TRAP1: variants seen among roughly 807,000 people sequenced by gnomAD.
The protein encoded by TRAP1 is heat shock protein 75 kDa, mitochondrial.
In TRAP1, 102 loss-of-function variants were observed where a neutral mutation model predicts 89.1. That is an observed-to-expected ratio of 1.15 (90% CI 0.98 to 1.35). The LOEUF (loss-of-function observed/expected upper bound fraction) is 1.35. TRAP1 is among the 40% of genes most tolerant of loss of function. The pLI, the probability that TRAP1 is intolerant of heterozygous loss-of-function variation, is 0.00. For missense variants in TRAP1, 1,256 were observed against 945.3 expected, an observed-to-expected ratio of 1.33 and a Z score of -4.31; for synonymous variants, 508 against 388.0, an observed-to-expected ratio of 1.31 and a Z score of -3.64.
At chr16:3,675,753 G>T (rs2050982354) in intron 7 of TRAP1, among the ~76,000 whole-genome samples, 1 of 152,198 alleles carries the variant, frequency 6.6e-6, no homozygotes, top group Non-Finnish European at 1.5e-5. Context: ...CCTGGGACAG[G>T]ACTGCGCCAA....
At position 3,662,935 on chromosome 16, in the gene TRAP1, C is replaced by CCTCCGT; in HGVS notation, c.1735_1740dup (p.Thr579_Glu580dup). The CCTCCGT allele has an allele frequency of 6.2e-7, 1 of 1,612,708 alleles. No homozygotes were observed. Among genetic ancestry groups the CCTCCGT allele is most frequent in the Non-Finnish European group, 8.5e-7 (1 of 1,179,994 alleles). On this transcript the variant is annotated inframe_insertion, in exon 15 of 18. Transcript: ENST00000246957. ...ACATTTCTCATCCAGGCCATGAGCTCCTCCGTCTCCTTCTCTGATAGGCAC... is the reference window on the plus strand; with the variant it reads ...ACATTTCTCATCCAGGCCATGAGCTCCTCCGTCTCCGTCTCCTTCTCTGATAGGCAC...
At chr16:3,692,595 CTTTTTTT>C (rs202237111) in intron 1 of TRAP1, among the ~76,000 whole-genome samples, 3 of 105,196 alleles carry the variant, frequency 2.9e-5, no homozygotes, top group African/African-American at 1.2e-4. Context: ...AAAAACTTGC[CTTTTTTT>C]TTTTTTTTTT....
At position 3,686,071 on chromosome 16, in the gene TRAP1, C is replaced by T; in HGVS notation, c.396G>A (p.Val132=). The part of the protein sequence containing the change: ...DALEKLRHKL[V]SDGQALPEME... Reference sequence around the variant, plus strand: ...TTTCTGGCAGTGCTTGGCCGTCAGACACCAGTTTGTGACGCAGTTTTTCCA... The same window carrying T: ...TTTCTGGCAGTGCTTGGCCGTCAGATACCAGTTTGTGACGCAGTTTTTCCA... The change falls in exon 4 of 18, where the codon GTG becomes GTA. Residue 132 remains valine (V), a synonymous_variant. Transcript: ENST00000246957. 6.2e-7 allele frequency: 1 copy of T among 1,614,146 alleles called. No individual in the cohort carries two copies. The highest frequency in any genetic ancestry group is 8.5e-7 in the Non-Finnish European group (1 of 1,180,016).
At chr16:3,665,800 G>C (rs1316435535) in intron 12 of TRAP1, among the ~76,000 whole-genome samples, 171 bp downstream of exon 12, 1 of 152,202 alleles carries the variant, frequency 6.6e-6, no homozygotes, top group Non-Finnish European at 1.5e-5. Context: ...CCTGGAAGGT[G>C]CCAGAGGCCC....
chr16:3,673,432 C>T (rs1490721417), intron 9 of TRAP1, among the ~76,000 whole-genome samples: 1 of 152,222 alleles, frequency 6.6e-6, no homozygotes, highest in African/African-American at 2.4e-5. Flanking sequence ...CCAACACCTG[C>T]TCCACACTGG....
rs1182378432 is a variant in TRAP1 at position 3,671,736 on chromosome 16, C to G, written c.1221G>C (p.Glu407Asp). 6.2e-7 allele frequency: 1 copy of G among 1,612,972 alleles called. No homozygotes were observed. The highest frequency in any genetic ancestry group is 1.3e-5 in the African/African-American group (1 of 74,948). Residue 407 changes from glutamate to aspartate, a missense_variant, in exon 11 of 18, where the codon GAG becomes GAC. By Grantham distance (45) the Glu-to-Asp change is conservative. Transcript: ENST00000246957. ...CCGAGGCTCACCTGATGAGTGCGCT[C>G]TCCTGCAGCAGCTCCCGGCTGAGGT... ...PLNLSRELLQ[E>D]SALIRKLRDV... is the part of the protein sequence containing the mutation.
rs571110486 is a variant in TRAP1 at position 3,695,552 on chromosome 16, GAAAAGA to G, written c.89-4573_89-4568del. Among the ~76,000 whole-genome samples the G allele has an allele frequency of 3.4e-3, 471 of 140,268 alleles. 3 individuals carry two copies. Among genetic ancestry groups the G allele is most frequent in the East Asian group, 0.025 (123 of 4,912 alleles). The allele number at this position is 140,268 out of a possible 152,430, so 92.0% of individuals were successfully genotyped here. On this transcript the variant is annotated intron_variant, in intron 1 of 17. Coordinates refer to ENST00000246957, the MANE Select transcript of TRAP1 (RefSeq NM_016292.3). ...CTCTGTCTCGAAAAAAAAAAAAAAA[GAAAAGA>G]AAAAGAAAAAGAAAAAGAAACCGTG...
At chr16:3,662,662 G>T (rs2043153391) in intron 15 of TRAP1, 4 of 688,496 alleles carry the variant, frequency 5.8e-6, no homozygotes, top group Non-Finnish European at 1.1e-5. Context: ...GTTCACACCT[G>T]CTCTGGAGCA....
chr16:3,706,758 G>C (rs919648117), intron 1 of TRAP1, among the ~76,000 whole-genome samples: 1 of 152,106 alleles, frequency 6.6e-6, no homozygotes, highest in Non-Finnish European at 1.5e-5. Context: ...ACCGCACCCA[G>C]CCTCGTTTCC....
intron 9 of TRAP1, among the ~76,000 whole-genome samples, chr16:3,673,428 C>T (rs2050942531): frequency 6.6e-6 from 1 of 152,220 alleles, no homozygotes; most frequent in Admixed American, 6.5e-5. Context: ...CCTGCCAACA[C>T]CTGCTCCACA....
Position 3,677,537 on chromosome 16 carries a change from G to C in TRAP1, c.665C>G (p.Ala222Gly). The C allele has an allele frequency of 6.2e-7, 1 of 1,614,188 alleles. No homozygotes were observed. The highest frequency in any genetic ancestry group is 8.5e-7 in the Non-Finnish European group (1 of 1,180,044). Residue 222 changes from alanine to glycine, a missense_variant, in exon 6 of 18, where the codon GCA becomes GGA. Coordinates refer to ENST00000246957, the MANE Select transcript of TRAP1 (RefSeq NM_016292.3). ...CTGGTAACCCAGGCTCCCCGGGGCT[G>C]CCGAGCGGGAATAGACCTCCACTCT... ...ADRVEVYSRS[A>G]APGSLGYQWL...
chr16:3,686,560 T>C (rs535651066), intron 3 of TRAP1, among the ~76,000 whole-genome samples: 2 of 152,266 alleles, frequency 1.3e-5, no homozygotes, highest in East Asian at 3.9e-4. Flanking sequence ...CAAGTGATCG[T>C]TGTGCCTCCG....
rs113510154 is a variant in TRAP1 at position 3,664,360 on chromosome 16, G to C, written c.1483C>G (p.Arg495Gly). The change falls in exon 13 of 18, where the codon CGC (arginine) becomes GGC (glycine). Residue 495 changes from arginine (R) to glycine (G), a missense_variant. Coordinates refer to ENST00000246957, the MANE Select transcript of TRAP1 (RefSeq NM_016292.3). Reference protein sequence around the residue: ...EYASRMRAGTRNIYYLCAPNR... With the variant: ...EYASRMRAGTGNIYYLCAPNR... ...GGGGCGCACAGGTAGTAGATGTTGC[G>C]GGTGCCGGCCCGCATGCGGCTGGCG... 16 of 1,612,996 alleles carry C rather than the reference G, an allele frequency of 9.9e-6. No homozygotes were observed. The highest frequency in any genetic ancestry group is 1.4e-5 in the Non-Finnish European group (16 of 1,179,616).
chr16:3,658,238 G>T lies in TRAP1; in HGVS notation c.2014-8C>A, dbSNP rs113792468. 6.2e-7 allele frequency: 1 copy of T among 1,611,544 alleles called. No individual in the cohort carries two copies. The highest frequency in any genetic ancestry group is 1.7e-5 in the Admixed American group (1 of 59,940). On this transcript the variant is annotated splice_region_variant and splice_polypyrimidine_tract_variant and intron_variant, in intron 17 of 17. Transcript: ENST00000246957. ...CATGGCGTTCTCGTATATCTGAAAG[G>T]CAAGAGGAGAAACCCATTATGAGGG...
At chr16:3,682,595 G>T (rs1012215444) in intron 4 of TRAP1, among the ~76,000 whole-genome samples, 1 of 152,098 alleles carries the variant, frequency 6.6e-6, no homozygotes, top group Non-Finnish European at 1.5e-5. Context: ...GTTTCACCAC[G>T]TTGCCCAGGC....
chr16:3,665,663 A>G (rs1199733746), intron 12 of TRAP1, among the ~76,000 whole-genome samples: 2 of 152,118 alleles, frequency 1.3e-5, no homozygotes, highest in African/African-American at 2.4e-5. Context: ...CCAGCCCCCA[A>G]CATCCTCTGA....
At chr16:3,664,952 G>A (rs1281050772) in intron 12 of TRAP1, 1 of 157,862 alleles carries the variant, frequency 6.3e-6, no homozygotes, top group Non-Finnish European at 1.4e-5. Context: ...CCCATCAGCT[G>A]AACGCAGCTG....
chr16:3,662,740 C>A lies in TRAP1; in HGVS notation c.1794+142G>T, dbSNP rs764592216. 9.0e-6 allele frequency: 7 copies of A among 776,254 alleles called. No homozygotes were observed. The Admixed American group carries it at 1.2e-4, about 13-fold the overall frequency. 48.1% of individuals were successfully genotyped at this position (776,254 alleles called of 1,614,324 possible). On this transcript the variant is annotated intron_variant, in intron 15 of 17. Coordinates refer to ENST00000246957, the MANE Select transcript of TRAP1 (RefSeq NM_016292.3). ...CCGAGCAACACGTGCCGAGCAGGGA[C>A]CCACAGGGTCTCCACCTGACACCAA...
chr16:3,683,411 G>C (rs1449252757), intron 4 of TRAP1, among the ~76,000 whole-genome samples: 2 of 147,018 alleles, frequency 1.4e-5, no homozygotes, highest in African/African-American at 5.0e-5. Context: ...TTTGAGACGA[G>C]TTTCACTCTT....
Sources: gnomAD v4.1 joint callset for allele counts (sites outside exome capture counted in the v4.1 genomes callset) on GRCh38, gnomAD v4.1.1 for gene constraint, MANE v1.5 for transcripts, NCBI Gene and HGNC (gene_info 2026-07-23, HGNC 2026-07-21) for gene names.